Variants in ESRRB observed in about 807,000 individuals in gnomAD.
ESRRB encodes steroid hormone receptor ERR2.
ESRRB carries 16 observed loss-of-function variants against 46.0 expected under a neutral mutation model. The observed-to-expected ratio is 0.35, with a 90% confidence interval of 0.24 to 0.53. The LOEUF is 0.53. Ranked by LOEUF, ESRRB falls within the 20% of genes least tolerant of loss-of-function variation. ESRRB has a pLI of 0.93. For synonymous variants in ESRRB, 246 were observed against 259.6 expected, an observed-to-expected ratio of 0.95 and a Z score of 0.50; for missense variants, 488 against 607.4, an observed-to-expected ratio of 0.80 and a Z score of 2.07.
intron 1 of ESRRB, among the ~76,000 whole-genome samples, chr14:76,388,891 C>T (rs1885352746): frequency 6.6e-6 from 1 of 152,154 alleles, no homozygotes; most frequent in African/African-American, 2.4e-5. Flanking sequence ...GCCCATTCTC[C>T]AACAGCTCCC....
intron 2 of ESRRB, among the ~76,000 whole-genome samples, chr14:76,447,243 CTCCTTCCTTCCTTCCTTCCT>C (rs11272399): frequency 0.013 from 1,671 of 133,364 alleles, 21 homozygotes; most frequent in African/African-American, 0.025. Context: ...TTTCTAAAGT[CTCCTTCCTTCCTTCCTTCCT>C]TCCTTCCTTC....
At chr14:76,352,888 T>G (rs868293333) in intron 1 of ESRRB, among the ~76,000 whole-genome samples, 3 of 152,164 alleles carry the variant, frequency 2.0e-5, no homozygotes, top group Non-Finnish European at 2.9e-5. Flanking sequence ...CGTCCGCCCT[T>G]CCTAGTTCCC....
chr14:76,462,210 C>T (rs1175949884), intron 2 of ESRRB, among the ~76,000 whole-genome samples: 1 of 152,072 alleles, frequency 6.6e-6, no homozygotes, highest in Non-Finnish European at 1.5e-5. Context: ...CACTAATGTT[C>T]TGGTCAGCAT....
At chr14:76,380,742 G>T (rs558948164) in intron 1 of ESRRB, among the ~76,000 whole-genome samples, 19 of 152,258 alleles carry the variant, frequency 1.2e-4, no homozygotes, top group African/African-American at 4.6e-4. Context: ...GAATGTTACT[G>T]GGGTGGGGAG....
chr14:76,385,213 GAA>G (rs35021819), intron 1 of ESRRB, among the ~76,000 whole-genome samples: 22,485 of 129,110 alleles, frequency 0.17, 2,097 homozygotes, highest in Non-Finnish European at 0.23. Flanking sequence ...TTTTCCTCAG[GAA>G]AAAAAAAAAA....
chr14:76,459,827 A>T (rs1888776525), intron 2 of ESRRB, among the ~76,000 whole-genome samples: 1 of 151,900 alleles, frequency 6.6e-6, no homozygotes, highest in African/African-American at 2.4e-5. Flanking sequence ...ACAGAGCATG[A>T]CCTCCAGCTC....
intron 1 of ESRRB, among the ~76,000 whole-genome samples, chr14:76,347,003 G>A (rs1048342600): frequency 6.6e-6 from 1 of 152,184 alleles, no homozygotes; most frequent in Non-Finnish European, 1.5e-5. Context: ...ACTGCCCGCA[G>A]AGCCAGGCCA....
chr14:76,327,117 C>G (rs925055736), intron 1 of ESRRB, among the ~76,000 whole-genome samples: 7 of 152,378 alleles, frequency 4.6e-5, no homozygotes, highest in African/African-American at 1.7e-4. Flanking sequence ...TCCTTCACTA[C>G]CAGCAGCTCA....
upstream of ESRRB, among the ~76,000 whole-genome samples, chr14:76,367,069 C>A (rs578147884): frequency 9.7e-4 from 147 of 152,102 alleles, no homozygotes; most frequent in Middle Eastern, 3.4e-3. Context: ...AGACCTGGGG[C>A]GAGCATTAAG....
intron 1 of ESRRB, among the ~76,000 whole-genome samples, chr14:76,382,558 C>T (rs1463600272): frequency 1.3e-5 from 2 of 152,162 alleles, no homozygotes; most frequent in Non-Finnish European, 2.9e-5. Flanking sequence ...CCCCTTCTCT[C>T]CCTGGAAATA....
At chr14:76,405,211 C>T (rs370108069) in intron 1 of ESRRB, among the ~76,000 whole-genome samples, 1 of 152,146 alleles carries the variant, frequency 6.6e-6, no homozygotes, top group African/African-American at 2.4e-5. Flanking sequence ...AGGCAATCCT[C>T]CCACCTCAGC....
At chr14:76,489,781 C>G (rs1005745633) in intron 5 of ESRRB, among the ~76,000 whole-genome samples, 2 of 152,158 alleles carry the variant, frequency 1.3e-5, no homozygotes, top group Non-Finnish European at 2.9e-5. Flanking sequence ...GGAGACAGGA[C>G]AGCAGATGGA....
chr14:76,485,688 T>A (rs1046071340), intron 5 of ESRRB, among the ~76,000 whole-genome samples: 5 of 130,660 alleles, frequency 3.8e-5, no homozygotes, highest in African/African-American at 1.2e-4. Flanking sequence ...AGAGAGCTGG[T>A]TGAGTAGGGA....
At chr14:76,491,852 C>A in intron 6 of ESRRB, 136 bp downstream of exon 6, 1 of 1,093,296 alleles carries the variant, frequency 9.1e-7, no homozygotes, top group Non-Finnish European at 1.3e-6. Context: ...CTTTTTATTA[C>A]TGAAGATTGT....
At chr14:76,348,380 T>C (rs976309945) in intron 1 of ESRRB, among the ~76,000 whole-genome samples, 1 of 152,198 alleles carries the variant, frequency 6.6e-6, no homozygotes, top group African/African-American at 2.4e-5. Flanking sequence ...AACGTGAATA[T>C]TGTTTCCGTC....
Position 76,439,326 on chromosome 14 carries a change from G to T in ESRRB, c.51-15G>T. Reference sequence around the variant, plus strand: ...AGCACCTTGCTGGGGCTGACTTCCCGATTTGTGTCCACAGGCTGCTGAACA... The same window carrying T: ...AGCACCTTGCTGGGGCTGACTTCCCTATTTGTGTCCACAGGCTGCTGAACA... On this transcript the variant is annotated splice_polypyrimidine_tract_variant and intron_variant, in intron 1 of 6. Transcript: ENST00000644823. 6.2e-7 allele frequency: 1 copy of T among 1,612,524 alleles called. No individual in the cohort carries two copies. The highest frequency in any genetic ancestry group is 8.5e-7 in the Non-Finnish European group (1 of 1,179,288).
chr14:76,419,107 C>G (rs1459405103), intron 1 of ESRRB, among the ~76,000 whole-genome samples: 1 of 151,964 alleles, frequency 6.6e-6, no homozygotes, highest in African/African-American at 2.4e-5. Flanking sequence ...CTTCGCCTCT[C>G]AGGTTCAAAC....
intron 1 of ESRRB, among the ~76,000 whole-genome samples, chr14:76,403,337 CTG>C (rs887225670): frequency 5.9e-5 from 9 of 152,322 alleles, no homozygotes; most frequent in African/African-American, 1.9e-4. Flanking sequence ...CTGATTCCCA[CTG>C]TGTGGCTGGG....
chr14:76,448,344 T>G lies in ESRRB; in HGVS notation c.460+8594T>G, dbSNP rs58207231. 9.5e-3 allele frequency among the ~76,000 whole-genome samples: 1,438 copies of G among 151,370 alleles called. 18 individuals are homozygous for G. Among genetic ancestry groups the G allele is most frequent in the African/African-American group, 0.033 (1,374 of 41,204 alleles). On this transcript the variant is annotated intron_variant, in intron 2 of 6. Coordinates refer to ENST00000644823, the MANE Select transcript of ESRRB (RefSeq NM_001379180.1). ...TTTACTTACCTTTTTTTTTTTTTTT[T>G]TGAGACCGAGTCTCCCTCTTGTTGC...
Sources: gnomAD v4.1 joint callset for allele counts (sites outside exome capture counted in the v4.1 genomes callset) on GRCh38, gnomAD v4.1.1 for gene constraint, MANE v1.5 for transcripts, NCBI Gene and HGNC (gene_info 2026-07-23, HGNC 2026-07-21) for gene names.